RAPH1: variants seen among roughly 807,000 people sequenced by gnomAD.
RAPH1 encodes ras-associated and pleckstrin homology domains-containing protein 1.
A neutral mutation model predicts 88.1 loss-of-function variants in RAPH1; 18 were observed. The observed-to-expected ratio is 0.20, with a 90% CI of 0.14 to 0.30. The LOEUF (loss-of-function observed/expected upper bound fraction) is 0.30. Ranked by LOEUF, RAPH1 falls within the 10% of genes least tolerant of loss-of-function variation. The probability of loss-of-function intolerance (pLI) is 1.00; values close to 1 mark genes in which losing one functional copy is unlikely to be tolerated. For synonymous variants in RAPH1, 587 were observed against 559.0 expected, an observed-to-expected ratio of 1.05 and a Z score of -0.71; for missense variants, 1,448 against 1,543.2, an observed-to-expected ratio of 0.94 and a Z score of 1.03.
At chr2:203,492,113 A>G (rs1688293670) in intron 2 of RAPH1, among the ~76,000 whole-genome samples, 1 of 152,000 alleles carries the variant, frequency 6.6e-6, no homozygotes, top group Non-Finnish European at 1.5e-5. Context: ...GGGCGCCTGT[A>G]ATCCCAGCTA....
chr2:203,441,218 C>CTGCAGAAGG lies in RAPH1; in HGVS notation c.1963_1971dup (p.Pro655_Ala657dup). 2 of 1,523,098 alleles carry CTGCAGAAGG rather than the reference C, an allele frequency of 1.3e-6. No individual in the cohort carries two copies. Among genetic ancestry groups the CTGCAGAAGG allele is most frequent in the East Asian group, 5.2e-5 (2 of 38,368 alleles). The allele number at this position is 1,523,098 out of a possible 1,614,324, so 94.3% of individuals were successfully genotyped here. A position where few individuals can be genotyped will look rare whatever the true frequency, so the allele number is the denominator to read the frequency against. On this transcript the variant is annotated inframe_insertion, in exon 14 of 14. Coordinates refer to ENST00000319170, the MANE Select transcript of RAPH1 (RefSeq NM_213589.3). ...TTGACGAACATTGGGGCTGCTGAGC[C>CTGCAGAAGG]TGCAGAAGGTGCAGACTGGCTGGGG...
At chr2:203,492,106 C>T (rs1268192698) in intron 2 of RAPH1, among the ~76,000 whole-genome samples, 3 of 151,542 alleles carry the variant, frequency 2.0e-5, no homozygotes, top group South Asian at 2.1e-4. Context: ...CAGTGGCGGG[C>T]GCCTGTAATC....
chr2:203,506,891 T>C (rs1282977866), intron 1 of RAPH1, among the ~76,000 whole-genome samples: 1 of 114,120 alleles, frequency 8.8e-6, no homozygotes, highest in South Asian at 2.5e-4. Context: ...GATATATATA[T>C]ATATATATTT....
rs368576991 is a variant in RAPH1 at position 203,485,450 on chromosome 2, G to A, written c.732+4134C>T. The stretch of plus-strand genomic sequence containing the variant: ...AAAAAAGAGTTACACTGCACACCAC[G>A]AAGTCAAGGTCTATGTCTTTTCATA... On this transcript the variant is annotated intron_variant, in intron 4 of 13. Transcript: ENST00000319170. Among the ~76,000 whole-genome samples, 160 of 149,342 alleles carry A rather than the reference G, an allele frequency of 1.1e-3. 1 individual carries two copies. The highest frequency in any genetic ancestry group is 3.8e-3 in the African/African-American group (154 of 40,664).
At chr2:203,519,690 C>A (rs1689778565) in intron 1 of RAPH1, among the ~76,000 whole-genome samples, 1 of 152,010 alleles carries the variant, frequency 6.6e-6, no homozygotes, top group South Asian at 2.1e-4. Context: ...AAAAACCCAA[C>A]CATGATATTT....
At position 203,441,270 on chromosome 2, in the gene RAPH1, GGGT is replaced by G. The variant is rs1298598010; in HGVS notation, c.1917_1919del (p.Pro648del). 1 of 1,348,366 alleles carries G rather than the reference GGGT, an allele frequency of 7.4e-7. No individual in the cohort carries two copies. Among genetic ancestry groups the G allele is most frequent in the African/African-American group, 1.5e-5 (1 of 65,596 alleles). The allele number at this position is 1,348,366 out of a possible 1,614,324, so 83.5% of individuals were successfully genotyped here. A position where few individuals can be genotyped will look rare whatever the true frequency, so the allele number is the denominator to read the frequency against. On this transcript the variant is annotated inframe_deletion, in exon 14 of 14. Transcript: ENST00000319170. ...GTGGGGGAGGAGGGGGTGGTGGAGGGGGTGGTGGAGGAGGAGGTGGGGGTGGCG... is the reference window on the plus strand; with the variant it reads ...GTGGGGGAGGAGGGGGTGGTGGAGGGGGTGGAGGAGGAGGTGGGGGTGGCG...
intron 13 of RAPH1, chr2:203,443,701 T>A (rs2098506410): frequency 6.6e-6 from 1 of 150,610 alleles, no homozygotes; most frequent in Non-Finnish European, 1.5e-5. Context: ...ATAACTGGAC[T>A]GAATATGGTG....
chr2:203,448,852 C>CA lies in RAPH1; in HGVS notation c.1414-17dup, dbSNP rs777353142. 3.3e-6 allele frequency: 5 copies of CA among 1,534,744 alleles called. No individual in the cohort carries two copies. Among genetic ancestry groups the CA allele is most frequent in the African/African-American group, 1.4e-5 (1 of 72,762 alleles). On this transcript the variant is annotated splice_polypyrimidine_tract_variant and intron_variant, in intron 10 of 13. Transcript: ENST00000319170. This position sits in a 1 kb window ranked among gnomAD's most constrained non-coding sequence, Gnocchi z 4.1. ...TTTGTGGATGCTGCAAGATTAAAGA[C>CA]AAAATCCAACTAAGTCCCTTGGAGA...
chr2:203,527,767 T>G (rs139986949), intron 1 of RAPH1, among the ~76,000 whole-genome samples: 32 of 124,492 alleles, frequency 2.6e-4, no homozygotes, highest in Non-Finnish European at 4.5e-4. Flanking sequence ...GCCATTGCAC[T>G]CCAGCCTGGG....
intron 3 of RAPH1, 129 bp from the exon 4 acceptor site, chr2:203,490,218 G>T (rs1688197998): frequency 3.2e-6 from 3 of 948,946 alleles, no homozygotes; most frequent in Non-Finnish European, 3.0e-6. Flanking sequence ...AGTATTTCTG[G>T]TTTTTGTTTT....
chr2:203,504,277 G>T (rs990033702), intron 1 of RAPH1, among the ~76,000 whole-genome samples: 1 of 152,206 alleles, frequency 6.6e-6, no homozygotes. Flanking sequence ...AGGCATCCAG[G>T]TGTTTCTATA....
Position 203,440,805 on chromosome 2 carries a change from T to C in RAPH1, c.2385A>G (p.Ala795=). The part of the protein sequence containing the change: ...IPAPTSTKTV[A]PVVTQAAPPT... The stretch of plus-strand genomic sequence containing the variant: ...GTGGTGCAGCTTGAGTCACAACAGG[T>C]GCCACAGTCTTGGTGCTGGTTGGTG... The change falls in exon 14 of 14, where the codon GCA becomes GCG. Residue 795 remains alanine (A), a synonymous_variant. Coordinates refer to ENST00000319170, the MANE Select transcript of RAPH1 (RefSeq NM_213589.3). 1.9e-6 allele frequency: 3 copies of C among 1,551,960 alleles called. No individual in the cohort carries two copies. The highest frequency in any genetic ancestry group is 2.6e-6 in the Non-Finnish European group (3 of 1,146,588).
chr2:203,489,876 G>C lies in RAPH1; in HGVS notation c.440C>G (p.Ser147Cys), dbSNP rs1688169572. The change falls in exon 4 of 14, where the codon TCC becomes TGC. Residue 147 changes from serine to cysteine, a missense_variant. Physicochemically the swap from Ser to Cys is moderately radical, Grantham distance 112. Transcript: ENST00000319170. The stretch of plus-strand genomic sequence containing the variant: ...GTCGTCCAAGGAGTAGCTGGCATGG[G>C]AAGGTTTAGCTATCCTATTAGATGA... ...SSSSNRIAKP[S>C]HASYSLDDVT... 1 of 1,614,112 alleles carries C rather than the reference G, an allele frequency of 6.2e-7. No homozygotes were observed. The highest frequency in any genetic ancestry group is 1.7e-5 in the Admixed American group (1 of 60,006).
At chr2:203,529,923 T>C (rs1373680134) in intron 1 of RAPH1, among the ~76,000 whole-genome samples, 3 of 152,232 alleles carry the variant, frequency 2.0e-5, no homozygotes, top group Non-Finnish European at 2.9e-5. Flanking sequence ...TTCTTTGTGG[T>C]CCCTGCGTCT....
chr2:203,440,850 T>C lies in RAPH1; in HGVS notation c.2340A>G (p.Lys780=), dbSNP rs1229548900. The change falls in exon 14 of 14, where the codon AAA becomes AAG. Residue 780 remains lysine, a synonymous_variant. Coordinates refer to ENST00000319170, the MANE Select transcript of RAPH1 (RefSeq NM_213589.3). ...PAPLPPQAPP[K]PLVTIPAPTS... ...TTGGTGCGGGGATGGTCACAAGGGG[T>C]TTTGGGGGAGCTTGGGGAGGGAGGG... is the stretch of plus-strand genomic sequence containing the variant. The C allele has an allele frequency of 1.4e-6, 2 of 1,387,658 alleles. No individual in the cohort carries two copies. The highest frequency in any genetic ancestry group is 2.5e-5 in the South Asian group (2 of 80,164). The allele number at this position is 1,387,658 out of a possible 1,614,324, so 86.0% of individuals were successfully genotyped here.
intron 1 of RAPH1, among the ~76,000 whole-genome samples, chr2:203,505,369 C>G (rs1016091389): frequency 1.3e-5 from 2 of 152,142 alleles, no homozygotes; most frequent in Non-Finnish European, 1.5e-5. Flanking sequence ...CCTGATAAAC[C>G]CATCAAATCT....
At position 203,437,366 on chromosome 2, in the gene RAPH1, C is replaced by T. The variant is rs1312447875; in HGVS notation, c.*2071G>A. The T allele has an allele frequency of 6.6e-6, 1 of 152,110 alleles. No homozygotes were observed. Among genetic ancestry groups the T allele is most frequent in the Non-Finnish European group, 1.5e-5 (1 of 68,028 alleles). The allele number at this position is 152,110 out of a possible 1,614,324, so 9.4% of individuals were successfully genotyped here. ...GATTCATATTCTTACTAACTCTAACCCACAAATATGGGTGCCCCTCAAACT... is the reference window on the plus strand; with the variant it reads ...GATTCATATTCTTACTAACTCTAACTCACAAATATGGGTGCCCCTCAAACT... On this transcript the variant is annotated 3_prime_UTR_variant, in exon 14 of 14. Coordinates refer to ENST00000319170, the MANE Select transcript of RAPH1 (RefSeq NM_213589.3).
chr2:203,442,144 A>T, intron 13 of RAPH1: 1 of 1,472,650 alleles, frequency 6.8e-7, no homozygotes. Context: ...AATATCATAC[A>T]GAAAAAGCCA....
chr2:203,516,559 GCCAACATGGTGAAA>G (rs1689616927), intron 1 of RAPH1, among the ~76,000 whole-genome samples: 4 of 152,052 alleles, frequency 2.6e-5, no homozygotes, highest in African/African-American at 7.2e-5. Flanking sequence ...GACCGGCCTG[GCCAACATGGTGAAA>G]CCCCGTCTCT....
Sources: allele counts gnomAD v4.1 joint callset (sites outside exome capture counted in the v4.1 genomes callset), GRCh38; gene constraint gnomAD v4.1.1; non-coding constraint Gnocchi (gnomAD v3.1); transcripts MANE v1.5; gene names NCBI Gene and HGNC (gene_info 2026-07-23, HGNC 2026-07-21).